Variants in ETV5 observed in about 807,000 individuals in gnomAD.
ETV5 encodes ETS variant transcription factor 5.
In ETV5, 10 loss-of-function variants were observed where a neutral mutation model predicts 70.0. The observed-to-expected ratio is 0.14, with a 90% confidence interval of 0.09 to 0.24. The LOEUF is 0.24. Among genes scored for constraint, ETV5 ranks in the 10% least tolerant of loss-of-function variants. The pLI is 1.00. For synonymous variants in ETV5, 216 were observed against 242.2 expected (o/e 0.89, Z 1.01); for missense variants, 453 against 651.2 (o/e 0.70, Z 3.31).
chr3:186,078,015 CTTCCT>C (rs1713838665), intron 7 of ETV5: 8 of 1,059,724 alleles, frequency 7.5e-6, no homozygotes, highest in Non-Finnish European at 9.1e-6. Context: ...TCCCTCCTCT[CTTCCT>C]TTCAACACCC....
At chr3:186,079,059 A>T in intron 7 of ETV5, 1 of 1,065,204 alleles carries the variant, frequency 9.4e-7, no homozygotes, top group Non-Finnish European at 1.1e-6. Flanking sequence ...ATCCTTTGGT[A>T]ATATTGTTGA....
In ETV5 at chr3:186,054,634, A is replaced by G. The variant is rs1300943874; in HGVS notation, c.1209+2441T>C. 1.3e-5 allele frequency among the ~76,000 whole-genome samples: 2 copies of G among 152,150 alleles called. No homozygotes were observed. The highest frequency in any genetic ancestry group is 3.9e-4 in the East Asian group (2 of 5,194). The stretch of plus-strand genomic sequence containing the variant: ...ATGCACAGTGTAATGGATATTATGG[A>G]TAATTACCCAGAGTGCACTACTCAG... On this transcript the variant is annotated intron_variant, in intron 11 of 12. Transcript: ENST00000306376. This position sits in a 1 kb window ranked among gnomAD's most constrained non-coding sequence, Gnocchi z 4.4.
At chr3:186,066,617 G>A (rs1560047850) in intron 7 of ETV5, among the ~76,000 whole-genome samples, 1 of 152,012 alleles carries the variant, frequency 6.6e-6, no homozygotes, top group African/African-American at 2.4e-5. Flanking sequence ...TCTCAAAATT[G>A]TTTTCAGAGG....
At position 186,105,593 on chromosome 3, in the gene ETV5, A is replaced by G. The variant is rs758808170; in HGVS notation, c.133+32T>C. 3 of 1,613,456 alleles carry G rather than the reference A, an allele frequency of 1.9e-6. No homozygotes were observed. Among genetic ancestry groups the G allele is most frequent in the Non-Finnish European group, 1.7e-6 (2 of 1,179,342 alleles). On this transcript the variant is annotated intron_variant, in intron 3 of 12. Coordinates refer to ENST00000306376, the MANE Select transcript of ETV5 (RefSeq NM_004454.3). This position sits in a 1 kb window ranked among gnomAD's most constrained non-coding sequence, Gnocchi z 4.5. ...ACGCTACTGTCACTGGGAGCAGGGAAGCCACAACATAATCAGGGAAAGCTT... is the reference window on the plus strand; with the variant it reads ...ACGCTACTGTCACTGGGAGCAGGGAGGCCACAACATAATCAGGGAAAGCTT...
Position 186,048,231 on chromosome 3 carries a change from A to C in ETV5, c.*408T>G, listed in dbSNP as rs1283868612. 8.0e-6 allele frequency: 2 copies of C among 250,112 alleles called. No homozygotes were observed. Among genetic ancestry groups the C allele is most frequent in the Non-Finnish European group, 7.8e-6 (1 of 128,196 alleles). 15.5% of individuals were successfully genotyped at this position (250,112 alleles called of 1,614,324 possible). ...TTCTATGGGTTTGTGATTTTTCAAC[A>C]AATTGTGCAAATCAGAGCCCTTCTA... On this transcript the variant is annotated 3_prime_UTR_variant, in exon 13 of 13. Coordinates refer to ENST00000306376, the MANE Select transcript of ETV5 (RefSeq NM_004454.3).
intron 7 of ETV5, among the ~76,000 whole-genome samples, chr3:186,073,043 A>T (rs1477625134): frequency 6.6e-6 from 1 of 152,132 alleles, no homozygotes; most frequent in Non-Finnish European, 1.5e-5. Context: ...AAGGCAGGAG[A>T]ATCGTTTGAA....
intron 9 of ETV5, among the ~76,000 whole-genome samples, chr3:186,062,558 G>A (rs1361762979): frequency 6.6e-6 from 1 of 152,050 alleles, no homozygotes; most frequent in East Asian, 1.9e-4. Flanking sequence ...GGAGGCAGAC[G>A]TTGCAATGAG....
In ETV5 at chr3:186,106,153, C is replaced by T. The variant is rs12631658; in HGVS notation, c.-74-211G>A. On this transcript the variant is annotated intron_variant, in intron 1 of 12. Coordinates refer to ENST00000306376, the MANE Select transcript of ETV5 (RefSeq NM_004454.3). ...ATGTACTCCGTGCCAAATCCATTTA[C>T]CCAGTCATCATTTTTTCTTTCTTAT... Among the ~76,000 whole-genome samples the T allele has an allele frequency of 0.079, 12,043 of 152,028 alleles. 1,284 individuals are homozygous for T. The highest frequency in any genetic ancestry group is 0.53 in the East Asian group (2,721 of 5,160).
chr3:186,081,750 C>T lies in ETV5; in HGVS notation c.233-575G>A, dbSNP rs568079493. The stretch of plus-strand genomic sequence containing the variant: ...AGAGGCATTCCAAAAATTTTAAAAG[C>T]AAAGGAATAAAACAACAGACCAATC... On this transcript the variant is annotated intron_variant, in intron 5 of 12. Transcript: ENST00000306376. Among the ~76,000 whole-genome samples, 24 of 152,200 alleles carry T rather than the reference C, an allele frequency of 1.6e-4. No homozygotes were observed. In the East Asian group the frequency reaches 4.6e-3, roughly 29 times the overall value.
intron 5 of ETV5, among the ~76,000 whole-genome samples, chr3:186,104,521 T>C (rs977422351): frequency 6.6e-6 from 1 of 152,122 alleles, no homozygotes; most frequent in African/African-American, 2.4e-5. Flanking sequence ...ATTGACAACA[T>C]GTTGGATGAA....
chr3:186,068,108 C>T (rs1422144456), intron 7 of ETV5, among the ~76,000 whole-genome samples: 1 of 152,142 alleles, frequency 6.6e-6, no homozygotes, highest in Non-Finnish European at 1.5e-5. Flanking sequence ...AATTCTGTGC[C>T]AGGTACCTGA....
At chr3:186,074,859 C>CAAAAAAAAAAAAAAAAA (rs747453303) in intron 7 of ETV5, among the ~76,000 whole-genome samples, 2 of 76,470 alleles carry the variant, frequency 2.6e-5, no homozygotes, top group Non-Finnish European at 2.8e-5. Context: ...ACTCTGTCTC[C>CAAAAAAAAAAAAAAAAA]AAAAAAAAAA....
intron 5 of ETV5, chr3:186,084,422 G>A: frequency 3.0e-6 from 1 of 333,814 alleles, no homozygotes; most frequent in South Asian, 2.4e-5. Context: ...CCTGCTGAAT[G>A]TGGACTACCT....
chr3:186,084,115 A>T (rs1247637078), intron 5 of ETV5: 1 of 374,102 alleles, frequency 2.7e-6, no homozygotes, highest in Admixed American at 3.7e-5. Flanking sequence ...CACCTTGCAG[A>T]TGGTGCTATG....
chr3:186,062,870 TG>T (rs1346522241), intron 9 of ETV5, among the ~76,000 whole-genome samples: 1 of 152,236 alleles, frequency 6.6e-6, no homozygotes, highest in Non-Finnish European at 1.5e-5. Flanking sequence ...TGGTTATCTC[TG>T]GGCAGTGAGA....
intron 7 of ETV5, among the ~76,000 whole-genome samples, chr3:186,067,514 C>T (rs376315075): frequency 1.3e-3 from 204 of 151,792 alleles, no homozygotes; most frequent in East Asian, 2.5e-3. Flanking sequence ...CAGGAGGCTG[C>T]GGCATCAGAA....
intron 5 of ETV5, among the ~76,000 whole-genome samples, chr3:186,096,592 A>G (rs1164930911): frequency 2.0e-5 from 3 of 151,958 alleles, no homozygotes; most frequent in Admixed American, 6.5e-5. Context: ...TTTAATAGGG[A>G]AGGGAAGGCA....
At chr3:186,082,189 T>C (rs1713948320) in intron 5 of ETV5, among the ~76,000 whole-genome samples, 1 of 152,230 alleles carries the variant, frequency 6.6e-6, no homozygotes, top group African/African-American at 2.4e-5. Context: ...CTAGTTGAGT[T>C]AGAATGGTTA....
At chr3:186,091,701 T>C (rs111529465) in intron 5 of ETV5, among the ~76,000 whole-genome samples, 2,603 of 152,230 alleles carry the variant, frequency 0.017, 77 homozygotes, top group African/African-American at 0.06. Context: ...ACCTAGAAAC[T>C]TGGGGTAATA....
Sources: allele counts gnomAD v4.1 joint callset (sites outside exome capture counted in the v4.1 genomes callset), GRCh38; gene constraint gnomAD v4.1.1; non-coding constraint Gnocchi (gnomAD v3.1); transcripts MANE v1.5; gene names NCBI Gene and HGNC (gene_info 2026-07-23, HGNC 2026-07-21).